UHRF2: variants seen among roughly 807,000 people sequenced by gnomAD.
The protein encoded by UHRF2 is E3 ubiquitin-protein ligase UHRF2.
Under a neutral mutation model 96.8 loss-of-function variants are expected in UHRF2, and 23 were observed. That is an observed-to-expected ratio of 0.24 (90% CI 0.17 to 0.34). The LOEUF is 0.34. Ranked by LOEUF, UHRF2 falls within the 10% of genes least tolerant of loss-of-function variation. The pLI, the probability that UHRF2 is intolerant of heterozygous loss-of-function variation, is 1.00. For missense variants in UHRF2, 685 were observed against 981.5 expected (o/e 0.70, Z 4.04); for synonymous variants, 385 against 332.6 (o/e 1.16, Z -1.72).
chr9:6,444,451 T>A (rs1821366807), intron 3 of UHRF2, among the ~76,000 whole-genome samples: 2 of 152,320 alleles, frequency 1.3e-5, no homozygotes, highest in South Asian at 4.1e-4. Flanking sequence ...CTCTTCAAAC[T>A]TATATATCGT....
chr9:6,476,719 C>A (rs953172258), intron 5 of UHRF2, among the ~76,000 whole-genome samples: 9 of 152,088 alleles, frequency 5.9e-5, no homozygotes, highest in African/African-American at 2.2e-4. Flanking sequence ...CTTAGCCTCT[C>A]GAGTAGCTTG....
At chr9:6,475,652 T>C (rs918753583) in intron 5 of UHRF2, 152 bp downstream of exon 5, 15 of 376,036 alleles carry the variant, frequency 4.0e-5, no homozygotes, top group Middle Eastern at 1.5e-3. Flanking sequence ...AGATTCATTT[T>C]GTTTTAATGA....
intron 3 of UHRF2, among the ~76,000 whole-genome samples, chr9:6,454,690 T>C (rs1428455966): frequency 2.0e-5 from 3 of 152,202 alleles, no homozygotes; most frequent in Non-Finnish European, 4.4e-5. Flanking sequence ...AGCTAGCTCC[T>C]TCTAACTTCA....
intron 13 of UHRF2, 112 bp downstream of exon 13, chr9:6,500,043 G>A (rs1399743663): frequency 6.1e-6 from 5 of 822,180 alleles, no homozygotes; most frequent in African/African-American, 1.7e-5. Context: ...AAAGATCTTG[G>A]CTCACTGTAG....
rs1164990502 is a variant in UHRF2, at chr9:6,424,202, G to C, written c.384+3060G>C. 2.0e-5 allele frequency among the ~76,000 whole-genome samples: 3 copies of C among 152,294 alleles called. No homozygotes were observed. In the East Asian group the frequency reaches 5.8e-4, roughly 29 times the overall value. Reference sequence around the variant, plus strand: ...CTGGGAGAGCTGAGAAAATGTTTTAGAAAGTTATGAGCAGTCACTAAAGTG... The same window carrying C: ...CTGGGAGAGCTGAGAAAATGTTTTACAAAGTTATGAGCAGTCACTAAAGTG... On this transcript the variant is annotated intron_variant, in intron 2 of 15. Transcript: ENST00000276893.
intron 8 of UHRF2, among the ~76,000 whole-genome samples, chr9:6,484,988 A>T (rs200462631): frequency 1.3e-5 from 2 of 149,876 alleles, no homozygotes; most frequent in African/African-American, 2.5e-5. Flanking sequence ...AGATGGGGTT[A>T]CTCCATGTTG....
intron 4 of UHRF2, among the ~76,000 whole-genome samples, chr9:6,468,959 A>G (rs1252144315): frequency 6.6e-6 from 1 of 152,216 alleles, no homozygotes; most frequent in Non-Finnish European, 1.5e-5. Context: ...ATAATATCTG[A>G]AGCTTTTGGC....
At chr9:6,424,776 ATTT>A in intron 2 of UHRF2, among the ~76,000 whole-genome samples, 1 of 135,070 alleles carries the variant, frequency 7.4e-6, no homozygotes, top group African/African-American at 2.8e-5. Context: ...ATTTCTCAGG[ATTT>A]TTTTTTTTTT....
chr9:6,413,445 A>C lies in UHRF2; in HGVS notation c.-46A>C. 4 of 1,368,422 alleles carry C rather than the reference A, an allele frequency of 2.9e-6. No homozygotes were observed. The highest frequency in any genetic ancestry group is 5.8e-5 in the East Asian group (2 of 34,622). The allele number at this position is 1,368,422 out of a possible 1,614,324, so 84.8% of individuals were successfully genotyped here. ...GGGCCGGGCGGGGCGCGGCGCCCAG[A>C]GCTCAGGGGGAGACAAAGGGGACCG... is the stretch of plus-strand genomic sequence containing the variant. On this transcript the variant is annotated 5_prime_UTR_variant, in exon 1 of 16. Coordinates refer to ENST00000276893, the MANE Select transcript of UHRF2 (RefSeq NM_152896.3).
intron 5 of UHRF2, among the ~76,000 whole-genome samples, chr9:6,477,330 G>A (rs1823640847): frequency 6.6e-6 from 1 of 151,876 alleles, no homozygotes; most frequent in Non-Finnish European, 1.5e-5. Flanking sequence ...TTTGAGACCA[G>A]CCTGACCAAC....
chr9:6,439,976 C>T (rs1422522204), intron 3 of UHRF2, among the ~76,000 whole-genome samples: 2 of 152,136 alleles, frequency 1.3e-5, no homozygotes, highest in South Asian at 4.1e-4. Context: ...ATCAAATTTT[C>T]TTGTTTCATT....
At position 6,413,416 on chromosome 9, in the gene UHRF2, G is replaced by T. The variant is rs1197525527; in HGVS notation, c.-75G>T. 5 of 1,290,768 alleles carry T rather than the reference G, an allele frequency of 3.9e-6. No individual in the cohort carries two copies. The African/African-American group carries it at 7.7e-5, about 20-fold the overall frequency. The allele number at this position is 1,290,768 out of a possible 1,614,324, so 80.0% of individuals were successfully genotyped here. A position where few individuals can be genotyped will look rare whatever the true frequency, so the allele number is the denominator to read the frequency against. ...GAGGGCCCGAGCCGCAGGGAAAGCG[G>T]CGCGGGCCGGGCGGGGCGCGGCGCC... On this transcript the variant is annotated 5_prime_UTR_variant, in exon 1 of 16. Transcript: ENST00000276893.
intron 10 of UHRF2, chr9:6,494,758 T>C (rs974963836): frequency 3.3e-5 from 5 of 152,194 alleles, no homozygotes; most frequent in African/African-American, 1.2e-4. Context: ...GTTTTTCACT[T>C]TGAGTCTAAA....
At chr9:6,465,357 TC>T in intron 4 of UHRF2, among the ~76,000 whole-genome samples, 1 of 152,310 alleles carries the variant, frequency 6.6e-6, no homozygotes, top group Non-Finnish European at 1.5e-5. Context: ...ATCTTCTTTT[TC>T]TTTCTTACGG....
chr9:6,482,162 A>T, intron 8 of UHRF2, 63 bp downstream of exon 8: 3 of 1,305,936 alleles, frequency 2.3e-6, no homozygotes, highest in South Asian at 2.4e-5. Context: ...AGCAATGTTA[A>T]TGTCTGTTGA....
chr9:6,452,094 A>G (rs188878394), intron 3 of UHRF2, among the ~76,000 whole-genome samples: 2 of 151,950 alleles, frequency 1.3e-5, no homozygotes, highest in African/African-American at 2.4e-5. Flanking sequence ...TATTTTTTTT[A>G]AGTTCATATA....
chr9:6,469,737 T>C (rs1563783023), intron 4 of UHRF2, among the ~76,000 whole-genome samples: 2 of 150,620 alleles, frequency 1.3e-5, no homozygotes, highest in Non-Finnish European at 3.0e-5. Flanking sequence ...TATATACGTG[T>C]ATATATATAC....
intron 4 of UHRF2, among the ~76,000 whole-genome samples, chr9:6,464,837 A>AGTAGGTTTTATATGTTCTTAGCTCT (rs1462951593): frequency 6.6e-6 from 1 of 152,096 alleles, no homozygotes; most frequent in East Asian, 1.9e-4. Flanking sequence ...TTGTTCTTCA[A>AGTAGGTTTTATATGTTCTTAGCTCT]GTAGGTTTTA....
Position 6,497,370 on chromosome 9 carries a change from C to G in UHRF2, c.1767+10C>G, listed in dbSNP as rs1307714635. ...TGATGGCATTTATAAGGTGCTCTAT[C>G]TGGCATGACATCTTGTTTGTCATTC... On this transcript the variant is annotated intron_variant, in intron 11 of 15. Coordinates refer to ENST00000276893, the MANE Select transcript of UHRF2 (RefSeq NM_152896.3). 3 of 1,611,940 alleles carry G rather than the reference C, an allele frequency of 1.9e-6. No homozygotes were observed. The highest frequency in any genetic ancestry group is 2.5e-6 in the Non-Finnish European group (3 of 1,178,624).
Sources: gnomAD v4.1 joint callset for allele counts (sites outside exome capture counted in the v4.1 genomes callset) on GRCh38, gnomAD v4.1.1 for gene constraint, MANE v1.5 for transcripts, NCBI Gene and HGNC (gene_info 2026-07-23, HGNC 2026-07-21) for gene names.